TCAIM: variants seen among roughly 807,000 people sequenced by gnomAD.
TCAIM encodes the protein T-cell activation inhibitor, mitochondrial.
A neutral mutation model predicts 58.6 loss-of-function variants in TCAIM; 36 were observed. That is an observed-to-expected ratio of 0.61 (90% confidence interval 0.47 to 0.81). The LOEUF is 0.81. TCAIM is among the 30% of genes least tolerant of loss of function. The pLI is 0.00. For synonymous variants in TCAIM, 172 were observed against 193.6 expected (o/e 0.89, Z 0.93); for missense variants, 466 against 579.6 (o/e 0.80, Z 2.01).
rs2125651056 is a variant in TCAIM at position 44,391,358 on chromosome 3, T to A, written c.573-1497T>A. 1.3e-5 allele frequency: 2 copies of A among 152,034 alleles called. 1 individual carries two copies. The highest frequency in any genetic ancestry group is 1.3e-4 in the Admixed American group (2 of 15,274). The allele number at this position is 152,034 out of a possible 1,614,324, so 9.4% of individuals were successfully genotyped here. A position where few individuals can be genotyped will look rare whatever the true frequency, so the allele number is the denominator to read the frequency against. ...TGCGCGCGAACACGCCTGGCTAATTTTTTTGTATTTTTTAGTAGAGATGGG... is the reference window on the plus strand; with the variant it reads ...TGCGCGCGAACACGCCTGGCTAATTATTTTGTATTTTTTAGTAGAGATGGG... On this transcript the variant is annotated intron_variant, in intron 5 of 10. Transcript: ENST00000342649.
chr3:44,376,023 C>G (rs796873024), intron 5 of TCAIM, among the ~76,000 whole-genome samples: 6 of 152,186 alleles, frequency 3.9e-5, no homozygotes, highest in African/African-American at 1.4e-4. Context: ...ATACTTACTA[C>G]GACATGGATG....
intron 4 of TCAIM, among the ~76,000 whole-genome samples, chr3:44,366,919 A>G (rs911961085): frequency 6.6e-6 from 1 of 152,132 alleles, no homozygotes; most frequent in African/African-American, 2.4e-5. Context: ...ATCACTCCTG[A>G]AAATATTGGG....
intron 4 of TCAIM, among the ~76,000 whole-genome samples, chr3:44,363,875 G>C (rs1402029929): frequency 6.7e-6 from 1 of 148,754 alleles, no homozygotes; most frequent in Non-Finnish European, 1.5e-5. Context: ...TTGAGCCCAG[G>C]AGTTTGAGGC....
At chr3:44,406,523 CT>C (rs1407173095) in intron 10 of TCAIM, among the ~76,000 whole-genome samples, 2 of 151,974 alleles carry the variant, frequency 1.3e-5, no homozygotes, top group African/African-American at 2.4e-5. Context: ...GCAAACAGCA[CT>C]TAAGAAAGTG....
At chr3:44,377,345 C>T (rs1460599910) in intron 5 of TCAIM, among the ~76,000 whole-genome samples, 1 of 152,072 alleles carries the variant, frequency 6.6e-6, no homozygotes, top group East Asian at 1.9e-4. Flanking sequence ...TATTTATCTA[C>T]CTAATACCTG....
intron 1 of TCAIM, among the ~76,000 whole-genome samples, chr3:44,349,291 C>T (rs1447918006): frequency 2.0e-5 from 3 of 152,164 alleles, no homozygotes; most frequent in Non-Finnish European, 4.4e-5. Context: ...CATTTTACTA[C>T]AAGAATTATC....
chr3:44,367,328 A>C, intron 4 of TCAIM, 128 bp from the exon 5 acceptor site: 2 of 1,065,272 alleles, frequency 1.9e-6, no homozygotes, highest in Non-Finnish European at 2.6e-6. Flanking sequence ...TTTTCCATTT[A>C]CAGGTGATTT....
intron 5 of TCAIM, chr3:44,367,991 T>C: frequency 3.3e-6 from 1 of 299,808 alleles, no homozygotes; most frequent in Non-Finnish European, 6.2e-6. Context: ...TTGTTTTGTT[T>C]AACTTTTAAA....
chr3:44,358,557 A>G (rs1030545453), intron 3 of TCAIM: 2 of 321,154 alleles, frequency 6.2e-6, no homozygotes, highest in Admixed American at 1.1e-4. Flanking sequence ...TAGCACTTAC[A>G]TTATATTAGA....
chr3:44,363,554 T>C (rs1701324076), intron 4 of TCAIM, among the ~76,000 whole-genome samples: 1 of 152,244 alleles, frequency 6.6e-6, no homozygotes, highest in African/African-American at 2.4e-5. Flanking sequence ...CCTTTAGCAT[T>C]ATTAATACAT....
chr3:44,399,337 G>GA (rs1221054166), intron 8 of TCAIM, among the ~76,000 whole-genome samples: 8 of 152,072 alleles, frequency 5.3e-5, no homozygotes, highest in African/African-American at 1.7e-4. Context: ...GTAACCCATG[G>GA]AAAAATTGAA....
chr3:44,355,667 A>G (rs1270712427), intron 2 of TCAIM, among the ~76,000 whole-genome samples: 1 of 152,236 alleles, frequency 6.6e-6, no homozygotes, highest in African/African-American at 2.4e-5. Context: ...ACTAACTGAT[A>G]GTGAATGGGG....
At chr3:44,351,752 C>T (rs1701093490) in intron 1 of TCAIM, among the ~76,000 whole-genome samples, 1 of 152,086 alleles carries the variant, frequency 6.6e-6, no homozygotes, top group South Asian at 2.1e-4. Flanking sequence ...ACCTCAGCCT[C>T]CCAAAGTGCT....
Position 44,354,618 on chromosome 3 carries a change from A to T in TCAIM, c.-44-121A>T, listed in dbSNP as rs867640368. 6.2e-5 allele frequency: 39 copies of T among 631,130 alleles called. No homozygotes were observed. In the Middle Eastern group the frequency reaches 1.9e-3, roughly 31 times the overall value. The allele number at this position is 631,130 out of a possible 1,614,324, so 39.1% of individuals were successfully genotyped here. On this transcript the variant is annotated intron_variant, in intron 1 of 10. Transcript: ENST00000342649. ...TTGTAGTTTTCCTTATCTAGATCTTATACATATTTTATAAGATTAATAACT... is the reference window on the plus strand; with the variant it reads ...TTGTAGTTTTCCTTATCTAGATCTTTTACATATTTTATAAGATTAATAACT...
chr3:44,356,550 A>G (rs1168430104), intron 2 of TCAIM, among the ~76,000 whole-genome samples: 1 of 151,886 alleles, frequency 6.6e-6, no homozygotes, highest in East Asian at 1.9e-4. Flanking sequence ...TGGAAAAGGT[A>G]AATTATAACA....
At position 44,355,830 on chromosome 3, in the gene TCAIM, C is replaced by G. The variant is rs147233066; in HGVS notation, c.29+1019C>G. Among the ~76,000 whole-genome samples the G allele has an allele frequency of 9.1e-4, 138 of 152,314 alleles. No individual in the cohort carries two copies. The East Asian group carries it at 0.024, about 26-fold the overall frequency. The stretch of plus-strand genomic sequence containing the variant: ...TTTAGAAAGATAATAATGACTCATA[C>G]TCCTTTTTTAGATATGTAAAATTTG... On this transcript the variant is annotated intron_variant, in intron 2 of 10. Transcript: ENST00000342649.
At chr3:44,341,945 G>A (rs1254336387) in intron 1 of TCAIM, among the ~76,000 whole-genome samples, 2 of 152,056 alleles carry the variant, frequency 1.3e-5, no homozygotes, top group Admixed American at 6.6e-5. Context: ...AAGTCTTATT[G>A]AATATTTCTA....
At chr3:44,367,148 T>C (rs1701393009) in intron 4 of TCAIM, among the ~76,000 whole-genome samples, 1 of 152,232 alleles carries the variant, frequency 6.6e-6, no homozygotes, top group Non-Finnish European at 1.5e-5. Flanking sequence ...ATTGAGAATA[T>C]TCTAAATCCC....
At chr3:44,394,410 T>C (rs1701888856) in intron 6 of TCAIM, among the ~76,000 whole-genome samples, 2 of 152,290 alleles carry the variant, frequency 1.3e-5, no homozygotes, top group South Asian at 4.1e-4. Flanking sequence ...AGTAAGATCA[T>C]TTTTAAAAGT....
Sources: allele counts gnomAD v4.1 joint callset (sites outside exome capture counted in the v4.1 genomes callset), GRCh38; gene constraint gnomAD v4.1.1; transcripts MANE v1.5; gene names NCBI Gene and HGNC (gene_info 2026-07-23, HGNC 2026-07-21).